The following UBE2V2 variants were observed in gnomAD, a reference collection of about 807,000 sequenced individuals.
The protein encoded by UBE2V2 is ubiquitin-conjugating enzyme E2 variant 2.
UBE2V2 carries 9 observed loss-of-function variants against 17.2 expected under a neutral mutation model. The ratio of observed to expected loss-of-function variants is 0.52; its 90% CI spans 0.32 to 0.91. UBE2V2 has a LOEUF of 0.91. UBE2V2 is among the 40% of genes least tolerant of loss of function. UBE2V2 has a pLI of 0.04. For missense variants in UBE2V2, 133 were observed against 182.6 expected, an observed-to-expected ratio of 0.73 and a Z score of 1.56; for synonymous variants, 61 against 57.5, an observed-to-expected ratio of 1.06 and a Z score of -0.28.
intron 1 of UBE2V2, among the ~76,000 whole-genome samples, chr8:48,038,466 C>T (rs1425342195): frequency 6.6e-6 from 1 of 151,912 alleles, no homozygotes; most frequent in Non-Finnish European, 1.5e-5. Flanking sequence ...CAGGTGCGCA[C>T]CACCATGCCC....
intron 3 of UBE2V2, 65 bp downstream of exon 3, chr8:48,050,043 A>T: frequency 8.9e-7 from 1 of 1,129,894 alleles, no homozygotes; most frequent in East Asian, 2.9e-5. Context: ...TTATACGTAC[A>T]CACACCATAA....
At chr8:48,056,720 GTAAGTT>G (rs1000715484) in intron 3 of UBE2V2, among the ~76,000 whole-genome samples, 1 of 151,782 alleles carries the variant, frequency 6.6e-6, no homozygotes, top group African/African-American at 2.4e-5. Flanking sequence ...TAGCTTTGTA[GTAAGTT>G]TTTTTGTTTG....
intron 3 of UBE2V2, among the ~76,000 whole-genome samples, chr8:48,054,517 A>G (rs2091559955): frequency 6.6e-6 from 1 of 152,200 alleles, no homozygotes; most frequent in Non-Finnish European, 1.5e-5. Context: ...TAGGGTGAAT[A>G]TATTGGACAT....
chr8:48,023,933 T>G (rs558239958), intron 1 of UBE2V2, among the ~76,000 whole-genome samples: 3 of 152,300 alleles, frequency 2.0e-5, no homozygotes, highest in African/African-American at 7.2e-5. Flanking sequence ...TAGTTCACTT[T>G]TTCAAAGGCT....
intron 1 of UBE2V2, among the ~76,000 whole-genome samples, chr8:48,041,354 C>T (rs529186283): frequency 7.5e-4 from 114 of 152,040 alleles, no homozygotes; most frequent in African/African-American, 2.6e-3. Context: ...TGGTGTTGCA[C>T]GCCTGTAATC....
chr8:48,045,828 A>G (rs2091495067), intron 2 of UBE2V2, among the ~76,000 whole-genome samples: 1 of 152,218 alleles, frequency 6.6e-6, no homozygotes, highest in Non-Finnish European at 1.5e-5. Flanking sequence ...CCTTTTCATA[A>G]AACAGGCAGG....
chr8:48,060,683 T>G lies in UBE2V2; in HGVS notation c.293T>G (p.Val98Gly). The G allele has an allele frequency of 6.7e-7, 1 of 1,481,910 alleles. No homozygotes were observed. The highest frequency in any genetic ancestry group is 9.0e-7 in the Non-Finnish European group (1 of 1,116,512). The allele number at this position is 1,481,910 out of a possible 1,614,324, so 91.8% of individuals were successfully genotyped here. A position where few individuals can be genotyped will look rare whatever the true frequency, so the allele number is the denominator to read the frequency against. The part of the protein sequence containing the change: ...MNGINNSSGM[V>G]DARSIPVLAK... ...CTGTACTCTTTCCTCCCCTTTCAGG[T>G]GGATGCCCGGAGCATACCAGTGTTA... The change falls in exon 4 of 4, where the codon GTG becomes GGG. Residue 98 changes from valine (V) to glycine (G), a missense_variant and splice_region_variant. Transcript: ENST00000523111.
intron 3 of UBE2V2, among the ~76,000 whole-genome samples, 172 bp from the exon 4 acceptor site, chr8:48,060,510 A>G (rs1304481323): frequency 6.6e-6 from 1 of 152,196 alleles, no homozygotes; most frequent in African/African-American, 2.4e-5. Context: ...ATATTAAACT[A>G]ATTATGATAA....
At chr8:48,003,552 C>T (rs915496620), upstream of UBE2V2, among the ~76,000 whole-genome samples, 7 of 152,050 alleles carry the variant, frequency 4.6e-5, no homozygotes, top group Admixed American at 2.0e-4. Flanking sequence ...GTGCTTTGAT[C>T]GCAGGTACTG....
Position 48,029,552 on chromosome 8 carries a change from A to G in UBE2V2, c.17-13481A>G, listed in dbSNP as rs1405938629. Among the ~76,000 whole-genome samples, 2 of 152,158 alleles carry G rather than the reference A, an allele frequency of 1.3e-5. 1 individual carries two copies. Among genetic ancestry groups the G allele is most frequent in the Admixed American group, 1.3e-4 (2 of 15,258 alleles). On this transcript the variant is annotated intron_variant, in intron 1 of 3. Transcript: ENST00000523111. ...ATAGCCAGATACCATGCATACTGTAAACAGTTTTATTCTTTGGAAGTAGTA... is the reference window on the plus strand; with the variant it reads ...ATAGCCAGATACCATGCATACTGTAGACAGTTTTATTCTTTGGAAGTAGTA...
upstream of UBE2V2, among the ~76,000 whole-genome samples, chr8:48,008,082 C>T (rs1390417026): frequency 6.6e-6 from 1 of 152,038 alleles, no homozygotes; most frequent in East Asian, 1.9e-4. Context: ...CCACCACGTC[C>T]GGCTAATTTT....
At chr8:48,019,313 G>A (rs1191560333) in intron 1 of UBE2V2, among the ~76,000 whole-genome samples, 3 of 152,026 alleles carry the variant, frequency 2.0e-5, no homozygotes, top group South Asian at 2.1e-4. Context: ...GCAGTAAGCC[G>A]AGATCACGGC....
chr8:48,061,035 T>A lies in UBE2V2; in HGVS notation c.*207T>A. On this transcript the variant is annotated 3_prime_UTR_variant, in exon 4 of 4. Transcript: ENST00000523111. Reference sequence around the variant, plus strand: ...GAAAAATGCAGCACAATTTTTTTTCTCTTGAAAGGCACTGTCATTTAAACA... The same window carrying A: ...GAAAAATGCAGCACAATTTTTTTTCACTTGAAAGGCACTGTCATTTAAACA... 1 of 376,190 alleles carries A rather than the reference T, an allele frequency of 2.7e-6. No homozygotes were observed. The allele number at this position is 376,190 out of a possible 1,614,324, so 23.3% of individuals were successfully genotyped here. A position where few individuals can be genotyped will look rare whatever the true frequency, so the allele number is the denominator to read the frequency against.
chr8:48,012,147 A>G (rs2091236984), intron 1 of UBE2V2, among the ~76,000 whole-genome samples: 1 of 152,190 alleles, frequency 6.6e-6, no homozygotes, highest in African/African-American at 2.4e-5. Context: ...AATATTTCTC[A>G]GAACATGAAT....
Position 48,060,819 on chromosome 8 carries a change from C to T in UBE2V2, c.429C>T (p.Tyr143=). 6 of 1,512,638 alleles carry T rather than the reference C, an allele frequency of 4.0e-6. No individual in the cohort carries two copies. The highest frequency in any genetic ancestry group is 3.5e-6 in the Non-Finnish European group (4 of 1,132,614). The allele number at this position is 1,512,638 out of a possible 1,614,324, so 93.7% of individuals were successfully genotyped here. Reference sequence around the variant, plus strand: ...CACAGCCACCAGAAGGACAAACATACAACAATTAATTTTAGTGGATCTCAA... The same window carrying T: ...CACAGCCACCAGAAGGACAAACATATAACAATTAATTTTAGTGGATCTCAA... ...KLPQPPEGQT[Y]NN The change falls in exon 4 of 4, where the codon TAC becomes TAT. Residue 143 remains tyrosine (Y), a synonymous_variant. Transcript: ENST00000523111.
At chr8:48,021,304 C>CTTT (rs1169402032) in intron 1 of UBE2V2, among the ~76,000 whole-genome samples, 19 of 125,958 alleles carry the variant, frequency 1.5e-4, no homozygotes, top group African/African-American at 2.1e-4. Flanking sequence ...GTCTCGAACC[C>CTTT]TTTTTTTTTT....
At chr8:48,052,488 T>G (rs747618105) in intron 3 of UBE2V2, among the ~76,000 whole-genome samples, 12 of 152,298 alleles carry the variant, frequency 7.9e-5, no homozygotes, top group Admixed American at 2.6e-4. Flanking sequence ...TCTACCTCCC[T>G]TCCCCCAACC....
Position 48,028,400 on chromosome 8 carries a change from G to A in UBE2V2, c.17-14633G>A, listed in dbSNP as rs552833812. On this transcript the variant is annotated intron_variant, in intron 1 of 3. Transcript: ENST00000523111. ...GTTGCCCAGGCTGGAGTGCAATGGCGCAATCTTGGCTCACTGCAACCTCTG... is the reference window on the plus strand; with the variant it reads ...GTTGCCCAGGCTGGAGTGCAATGGCACAATCTTGGCTCACTGCAACCTCTG... Among the ~76,000 whole-genome samples, 175 of 149,034 alleles carry A rather than the reference G, an allele frequency of 1.2e-3. 1 individual carries two copies. Among genetic ancestry groups the A allele is most frequent in the African/African-American group, 3.9e-3 (158 of 40,448 alleles).
chr8:48,025,934 C>A (rs949203587), intron 1 of UBE2V2, among the ~76,000 whole-genome samples: 68 of 151,824 alleles, frequency 4.5e-4, no homozygotes, highest in African/African-American at 1.6e-3. Context: ...CTAAGGGAGG[C>A]GAGGGAAAGG....
Sources: gnomAD v4.1 joint callset for allele counts (sites outside exome capture counted in the v4.1 genomes callset) on GRCh38, gnomAD v4.1.1 for gene constraint, MANE v1.5 for transcripts, NCBI Gene and HGNC (gene_info 2026-07-23, HGNC 2026-07-21) for gene names.